Variants in USH2A observed in about 807,000 individuals in gnomAD.
USH2A encodes usherin, also known as Usher syndrome 2A (autosomal recessive, mild).
USH2A carries 443 observed loss-of-function variants against 538.9 expected under a neutral mutation model. The ratio of observed to expected loss-of-function variants is 0.82; its 90% CI spans 0.76 to 0.89. The LOEUF (loss-of-function observed/expected upper bound fraction) is 0.89. Ranked by LOEUF, USH2A falls within the 40% of genes least tolerant of loss-of-function variation. The pLI, the probability that USH2A is intolerant of heterozygous loss-of-function variation, is 0.00. For synonymous variants in USH2A, 2,413 were observed against 2,273.5 expected (o/e 1.06, Z -1.75); for missense variants, 6,633 against 6,324.8 (o/e 1.05, Z -1.65).
At chr1:216,270,246 A>G (rs1290026098) in intron 11 of USH2A, among the ~76,000 whole-genome samples, 1 of 152,140 alleles carries the variant, frequency 6.6e-6, no homozygotes, top group African/African-American at 2.4e-5. Context: ...CCAATGAGGC[A>G]ATGTTGATAT....
At chr1:215,916,986 C>G (rs1461629093) in intron 38 of USH2A, among the ~76,000 whole-genome samples, 3 of 152,028 alleles carry the variant, frequency 2.0e-5, no homozygotes, top group Non-Finnish European at 4.4e-5. Context: ...TTGAAATACC[C>G]CAAAGCTGTG....
chr1:216,244,856 C>T (rs2036005303), intron 13 of USH2A, among the ~76,000 whole-genome samples: 1 of 152,012 alleles, frequency 6.6e-6, no homozygotes, highest in South Asian at 2.1e-4. Context: ...AAACATGTGA[C>T]TTGTATTATA....
chr1:215,982,095 C>G (rs10864217), intron 35 of USH2A, among the ~76,000 whole-genome samples: 68,111 of 152,064 alleles, frequency 0.45, 17,187 homozygotes, highest in East Asian at 0.85. Flanking sequence ...AGCCAATTGT[C>G]TTCTTTTTCA....
chr1:215,975,909 A>T (rs1352519970), intron 35 of USH2A, among the ~76,000 whole-genome samples: 1 of 152,188 alleles, frequency 6.6e-6, no homozygotes, highest in African/African-American at 2.4e-5. Flanking sequence ...TGCTTTGGGC[A>T]CTATGGCCAT....
chr1:215,967,748 C>A (rs866750542), intron 36 of USH2A, among the ~76,000 whole-genome samples: 169 of 143,958 alleles, frequency 1.2e-3, no homozygotes, highest in African/African-American at 2.9e-3. Flanking sequence ...TGCTTCTTTG[C>A]AAAAAAAAAA....
chr1:215,684,384 C>A (rs60291699), intron 61 of USH2A, among the ~76,000 whole-genome samples: 3,651 of 152,220 alleles, frequency 0.024, 138 homozygotes, highest in African/African-American at 0.083. Context: ...TGAAAATGAT[C>A]AAAAATTACC....
At chr1:215,949,030 G>A (rs998652802) in intron 37 of USH2A, among the ~76,000 whole-genome samples, 2 of 152,050 alleles carry the variant, frequency 1.3e-5, no homozygotes, top group African/African-American at 2.4e-5. Context: ...CTGGACTCAC[G>A]TTCTTTGAGT....
chr1:215,783,008 T>A, intron 52 of USH2A, 73 bp from the exon 53 acceptor site: 1 of 1,427,780 alleles, frequency 7.0e-7, no homozygotes, highest in African/African-American at 1.4e-5. Context: ...AAAGTGAATA[T>A]CAAAAACTTT....
At chr1:215,781,891 A>G (rs370573307) in intron 54 of USH2A, 151 bp downstream of exon 54, 2 of 909,834 alleles carry the variant, frequency 2.2e-6, no homozygotes. Context: ...AGGTATTAGC[A>G]CTCAGTTAAC....
At chr1:215,790,357 T>A in intron 50 of USH2A, 75 bp from the exon 51 acceptor site, 1 of 1,539,548 alleles carries the variant, frequency 6.5e-7, no homozygotes, top group Non-Finnish European at 8.9e-7. Flanking sequence ...TAAAGTTTGG[T>A]ATAAAAATGT....
intron 64 of USH2A, among the ~76,000 whole-genome samples, chr1:215,661,370 A>G (rs1329668465): frequency 1.3e-5 from 2 of 152,174 alleles, no homozygotes; most frequent in African/African-American, 2.4e-5. Context: ...TTGGCACTGC[A>G]TGTTGACAAG....
At chr1:216,014,792 G>A (rs778256250) in intron 32 of USH2A, among the ~76,000 whole-genome samples, 6 of 152,154 alleles carry the variant, frequency 3.9e-5, no homozygotes, top group Non-Finnish European at 7.3e-5. Flanking sequence ...TTACTGTCAA[G>A]CAAACTATAA....
intron 61 of USH2A, among the ~76,000 whole-genome samples, chr1:215,685,381 T>C (rs1658391275): frequency 6.7e-6 from 1 of 149,338 alleles, no homozygotes; most frequent in South Asian, 2.2e-4. Flanking sequence ...GGAGTTTCAC[T>C]CTCGTCGCCC....
chr1:215,974,564 C>T (rs1374841952), intron 35 of USH2A, among the ~76,000 whole-genome samples: 4 of 152,044 alleles, frequency 2.6e-5, no homozygotes, highest in Non-Finnish European at 4.4e-5. Context: ...TGTTTAGCTC[C>T]CACTTATAAA....
intron 37 of USH2A, among the ~76,000 whole-genome samples, chr1:215,957,312 TG>T (rs1490279258): frequency 9.9e-5 from 15 of 152,188 alleles, no homozygotes; most frequent in Non-Finnish European, 1.9e-4. Flanking sequence ...AAGAGAGGTC[TG>T]GGGCTGTTGT....
At chr1:216,206,618 T>A (rs149288247) in intron 16 of USH2A, among the ~76,000 whole-genome samples, 1 of 152,140 alleles carries the variant, frequency 6.6e-6, no homozygotes, top group South Asian at 2.1e-4. Context: ...AGCCTGGGGA[T>A]TGGGGACCCC....
chr1:215,667,212 C>A (rs1205401549), intron 64 of USH2A, among the ~76,000 whole-genome samples: 2 of 152,192 alleles, frequency 1.3e-5, no homozygotes, highest in African/African-American at 4.8e-5. Context: ...ACCTTTAGGG[C>A]ATTCCATATT....
chr1:215,817,191 G>A lies in USH2A; in HGVS notation c.9376C>T (p.Leu3126Phe). ...PTIRGITSRS[L>F]QIDWVSPRKP... ...CGTGGAGACACCCAATCAATTTGAA[G>A]AGATCTGCAACAGAGAGAATAATCA... Residue 3126 changes from leucine (L) to phenylalanine (F), a missense_variant, in exon 48 of 72, where the codon CTT becomes TTT. Transcript: ENST00000307340. The A allele has an allele frequency of 6.2e-7, 1 of 1,611,828 alleles. No homozygotes were observed. Among genetic ancestry groups the A allele is most frequent in the Non-Finnish European group, 8.5e-7 (1 of 1,178,438 alleles).
At chr1:216,044,080 A>G (rs1005127184) in intron 32 of USH2A, among the ~76,000 whole-genome samples, 2 of 152,136 alleles carry the variant, frequency 1.3e-5, no homozygotes, top group East Asian at 3.8e-4. Context: ...GCAGTAATGA[A>G]AAAAACAAAT....
Sources: allele counts gnomAD v4.1 joint callset (sites outside exome capture counted in the v4.1 genomes callset), GRCh38; gene constraint gnomAD v4.1.1; transcripts MANE v1.5; gene names NCBI Gene and HGNC (gene_info 2026-07-23, HGNC 2026-07-21).